Variants in PDE1A observed in about 807,000 individuals in gnomAD.
PDE1A encodes dual specificity calcium/calmodulin-dependent 3',5'-cyclic nucleotide phosphodiesterase 1A.
A neutral mutation model predicts 61.7 loss-of-function variants in PDE1A; 35 were observed. The ratio of observed to expected loss-of-function variants is 0.57; its 90% confidence interval spans 0.43 to 0.75. The LOEUF is 0.75. Ranked by LOEUF, PDE1A falls within the 30% of genes least tolerant of loss-of-function variation. The probability of loss-of-function intolerance (pLI) is 0.00; values close to 1 mark genes in which losing one functional copy is unlikely to be tolerated. For missense variants in PDE1A, 597 were observed against 630.6 expected (o/e 0.95, Z 0.57); for synonymous variants, 232 against 213.2 (o/e 1.09, Z -0.77).
intron 1 of PDE1A, among the ~76,000 whole-genome samples, chr2:182,333,451 GA>G: frequency 6.6e-6 from 1 of 152,278 alleles, no homozygotes; most frequent in East Asian, 1.9e-4. Flanking sequence ...CAATTACATG[GA>G]AACTGAACAA....
intron 1 of PDE1A, among the ~76,000 whole-genome samples, chr2:182,371,444 C>A (rs1700123959): frequency 6.6e-6 from 1 of 152,176 alleles, no homozygotes; most frequent in Non-Finnish European, 1.5e-5. Context: ...ACTTCAGGAG[C>A]TGAGCAAAGG....
intron 1 of PDE1A, among the ~76,000 whole-genome samples, chr2:182,363,846 A>T (rs571100626): frequency 1.4e-4 from 21 of 152,188 alleles, no homozygotes; most frequent in African/African-American, 5.1e-4. Flanking sequence ...TCTCAATAAA[A>T]GATGTGTACC....
chr2:182,503,792 A>AC (rs1183499785), intron 2 of PDE1A, among the ~76,000 whole-genome samples: 1 of 152,038 alleles, frequency 6.6e-6, no homozygotes. Flanking sequence ...TGATTATGTA[A>AC]CCCCACCATC....
intron 2 of PDE1A, among the ~76,000 whole-genome samples, chr2:182,508,179 T>G (rs1038641316): frequency 6.6e-6 from 1 of 151,938 alleles, no homozygotes; most frequent in African/African-American, 2.4e-5. Context: ...TCAACAAAAT[T>G]CAACATTCTT....
the PDE1A span, among the ~76,000 whole-genome samples, chr2:182,536,987 GT>G: frequency 6.6e-6 from 1 of 152,178 alleles, no homozygotes; most frequent in African/African-American, 2.4e-5. Flanking sequence ...AAACATGTAA[GT>G]GAAGGCTAAG....
chr2:182,455,706 A>G (rs927633598), intron 2 of PDE1A, among the ~76,000 whole-genome samples: 22 of 152,060 alleles, frequency 1.4e-4, no homozygotes, highest in African/African-American at 5.1e-4. Flanking sequence ...GAATTGAACA[A>G]TGAGAATCCA....
intron 13 of PDE1A, among the ~76,000 whole-genome samples, chr2:182,170,934 A>G (rs1053221756): frequency 5.9e-5 from 9 of 152,018 alleles, no homozygotes; most frequent in Non-Finnish European, 1.3e-4. Flanking sequence ...ATATTAAAAT[A>G]CTATGTTAAT....
At chr2:182,660,333 G>T in the PDE1A span, among the ~76,000 whole-genome samples, 4 of 151,960 alleles carry the variant, frequency 2.6e-5, no homozygotes, top group South Asian at 2.1e-4. Context: ...GGAAGAAAGA[G>T]GAGAGTGACA....
chr2:182,406,008 A>G (rs1702276953), intron 1 of PDE1A, among the ~76,000 whole-genome samples: 1 of 152,024 alleles, frequency 6.6e-6, no homozygotes. Flanking sequence ...GATCCATCTT[A>G]GGTCAAAGAA....
At chr2:182,225,053 T>G (rs889296676) in intron 6 of PDE1A, among the ~76,000 whole-genome samples, 3 of 151,986 alleles carry the variant, frequency 2.0e-5, no homozygotes, top group Non-Finnish European at 4.4e-5. Flanking sequence ...GATAAAAGTT[T>G]GCAGAATAAA....
intron 1 of PDE1A, among the ~76,000 whole-genome samples, chr2:182,369,303 T>C (rs1700005666): frequency 6.6e-6 from 1 of 152,236 alleles, no homozygotes; most frequent in Admixed American, 6.5e-5. Context: ...TCTTGATACA[T>C]TGTTTTTATA....
intron 2 of PDE1A, among the ~76,000 whole-genome samples, chr2:182,502,685 C>G (rs987317180): frequency 6.6e-6 from 1 of 152,106 alleles, no homozygotes; most frequent in Non-Finnish European, 1.5e-5. Flanking sequence ...GTCAACAATC[C>G]CTTTTCCACA....
At chr2:182,708,809 C>G in the PDE1A span, among the ~76,000 whole-genome samples, 1 of 152,190 alleles carries the variant, frequency 6.6e-6, no homozygotes, top group East Asian at 1.9e-4. Flanking sequence ...GGCTAAACCT[C>G]TCTTTGTGTC....
chr2:182,428,022 T>G (rs1703722575), upstream of PDE1A, among the ~76,000 whole-genome samples: 1 of 152,148 alleles, frequency 6.6e-6, no homozygotes, highest in African/African-American at 2.4e-5. Flanking sequence ...GGGAGAAAGA[T>G]CACCTTTTTA....
At chr2:182,155,458 TC>T (rs1216134887) in intron 13 of PDE1A, among the ~76,000 whole-genome samples, 1 of 152,196 alleles carries the variant, frequency 6.6e-6, no homozygotes, top group African/African-American at 2.4e-5. Flanking sequence ...TATTTTAAAT[TC>T]TTCTATCTGA....
chr2:182,358,970 C>T (rs533292103), intron 1 of PDE1A, among the ~76,000 whole-genome samples: 1 of 151,636 alleles, frequency 6.6e-6, no homozygotes, highest in South Asian at 2.1e-4. Flanking sequence ...CCCTTCCTTC[C>T]TTTCCTTCCT....
chr2:182,201,669 A>AC lies in PDE1A; in HGVS notation c.1004+18_1004+19insG, dbSNP rs764018907. 7.8e-6 allele frequency: 12 copies of AC among 1,540,970 alleles called. No individual in the cohort carries two copies. In the South Asian group the frequency reaches 1.2e-4, roughly 15 times the overall value. ...ACATGACAAAAAAAAAAAAACAACAAAAAAAACACAAAACCTACCCTTCAG... is the reference window on the plus strand; with the variant it reads ...ACATGACAAAAAAAAAAAAACAACAACAAAAAACACAAAACCTACCCTTCAG... On this transcript the variant is annotated intron_variant, in intron 9 of 13. Transcript: ENST00000351439.
At chr2:182,350,289 A>G (rs1375009604) in intron 1 of PDE1A, among the ~76,000 whole-genome samples, 2 of 152,212 alleles carry the variant, frequency 1.3e-5, no homozygotes, top group Non-Finnish European at 2.9e-5. Context: ...GATGATTCTC[A>G]GTATTGGGCT....
chr2:182,330,756 A>G (rs1406123360), intron 1 of PDE1A, among the ~76,000 whole-genome samples: 1 of 152,138 alleles, frequency 6.6e-6, no homozygotes, highest in African/African-American at 2.4e-5. Context: ...CAAAATATAA[A>G]AAGTTATCTT....
Sources: gnomAD v4.1 joint callset for allele counts (sites outside exome capture counted in the v4.1 genomes callset) on GRCh38, gnomAD v4.1.1 for gene constraint, MANE v1.5 for transcripts, NCBI Gene and HGNC (gene_info 2026-07-23, HGNC 2026-07-21) for gene names.